The following KCTD1 variants were observed in gnomAD, a reference collection of about 807,000 sequenced individuals.
KCTD1 encodes the protein BTB/POZ domain-containing protein KCTD1.
A neutral mutation model predicts 66.0 loss-of-function variants in KCTD1; 24 were observed. The observed-to-expected ratio is 0.36, with a 90% CI of 0.26 to 0.51. The LOEUF is 0.51. KCTD1 is among the 20% of genes least tolerant of loss of function. KCTD1 has a pLI of 0.95. For synonymous variants in KCTD1, 511 were observed against 517.2 expected (o/e 0.99, Z 0.16); for missense variants, 943 against 1,205.2 (o/e 0.78, Z 3.22).
chr18:26,578,660 T>A (rs183520108), intron 1 of KCTD1, among the ~76,000 whole-genome samples: 1 of 152,328 alleles, frequency 6.6e-6, no homozygotes, highest in African/African-American at 2.4e-5. Context: ...GTTTTACACA[T>A]TTCTTCCCTA....
At chr18:26,651,556 G>T (rs1423928668) in intron 1 of KCTD1, among the ~76,000 whole-genome samples, 1 of 152,038 alleles carries the variant, frequency 6.6e-6, no homozygotes, top group Non-Finnish European at 1.5e-5. Flanking sequence ...GGCCGAGGTG[G>T]GCGGATCACT....
intron 1 of KCTD1, among the ~76,000 whole-genome samples, chr18:26,530,252 T>C (rs1371105024): frequency 2.6e-5 from 4 of 152,226 alleles, no homozygotes. Context: ...CCCTACACTT[T>C]GAATAAATAT....
At chr18:26,578,515 A>T (rs1343143400) in intron 1 of KCTD1, among the ~76,000 whole-genome samples, 1 of 152,174 alleles carries the variant, frequency 6.6e-6, no homozygotes, top group Non-Finnish European at 1.5e-5. Flanking sequence ...TTTTTTTAAT[A>T]AAATTGTACC....
rs558676583 is a variant in KCTD1 at position 26,625,631 on chromosome 18, G to A, written c.-16+3516C>T. ...TCCTTTATAAATTATTCAGTCTTTG[G>A]CAGTTCTTTATAGCAGTGTAAGAAT... is the stretch of plus-strand genomic sequence containing the variant. On this transcript the variant is annotated intron_variant, in intron 1 of 4. Coordinates refer to the KCTD1 transcript ENST00000317932. 2.2e-4 allele frequency among the ~76,000 whole-genome samples: 33 copies of A among 152,222 alleles called. No individual in the cohort carries two copies. The South Asian group carries it at 6.2e-3, about 29-fold the overall frequency.
rs138786184 is a variant in KCTD1, at chr18:26,577,994, G to T, written c.-16+51153C>A. 4.0e-5 allele frequency among the ~76,000 whole-genome samples: 6 copies of T among 151,320 alleles called. No homozygotes were observed. In the East Asian group the frequency reaches 1.2e-3, roughly 29 times the overall value. The stretch of plus-strand genomic sequence containing the variant: ...AGATGATTATTTCTGGGCCATCACT[G>T]TAACTCACTGTAGTATTTTTCTATT... On this transcript the variant is annotated intron_variant, in intron 1 of 4. Coordinates refer to the KCTD1 transcript ENST00000317932.
upstream of KCTD1, chr18:26,548,642 C>G: frequency 8.9e-7 from 1 of 1,125,006 alleles, no homozygotes; most frequent in Non-Finnish European, 1.1e-6. Context: ...GAGGCAAAGC[C>G]GGGCTCTTAA....
At chr18:26,641,269 C>T (rs1210122643), upstream of KCTD1, among the ~76,000 whole-genome samples, 1 of 152,164 alleles carries the variant, frequency 6.6e-6, no homozygotes, top group Non-Finnish European at 1.5e-5. Context: ...AGAGCCTTTG[C>T]CTCCCTTGTA....
intron 1 of KCTD1, among the ~76,000 whole-genome samples, chr18:26,534,154 T>C (rs889471872): frequency 6.6e-6 from 1 of 152,154 alleles, no homozygotes; most frequent in African/African-American, 2.4e-5. Flanking sequence ...TCAATTTTTT[T>C]ATTTACAGTC....
At chr18:26,648,896 T>G (rs1036568599) in intron 1 of KCTD1, among the ~76,000 whole-genome samples, 1 of 152,218 alleles carries the variant, frequency 6.6e-6, no homozygotes, top group African/African-American at 2.4e-5. Context: ...AGGTGATGGA[T>G]GAGGATTACA....
intron 1 of KCTD1, among the ~76,000 whole-genome samples, chr18:26,504,648 C>T (rs1047222999): frequency 2.6e-5 from 4 of 152,104 alleles, no homozygotes; most frequent in African/African-American, 9.7e-5. Context: ...ACTGGGATTA[C>T]AGGTGTGAGC....
Position 26,568,605 on chromosome 18 carries a change from C to T in KCTD1, c.-16+60542G>A, listed in dbSNP as rs370104236. Among the ~76,000 whole-genome samples the T allele has an allele frequency of 4.0e-4, 61 of 152,110 alleles. 2 individuals carry two copies. The South Asian group carries it at 6.7e-3, about 17-fold the overall frequency. ...AAAAAAATGAGGTAGGTTGTGTAGA[C>T]AGTCATTTATATAATCATTGCATCT... On this transcript the variant is annotated intron_variant, in intron 1 of 4. Transcript: ENST00000317932.
intron 1 of KCTD1, among the ~76,000 whole-genome samples, chr18:26,506,386 G>C (rs553479186): frequency 2.6e-5 from 4 of 152,264 alleles, no homozygotes; most frequent in Admixed American, 2.0e-4. Context: ...CCAGGGTTGG[G>C]GGCTGGGAAG....
intron 1 of KCTD1, among the ~76,000 whole-genome samples, chr18:26,554,125 G>C (rs953116163): frequency 7.6e-6 from 1 of 131,382 alleles, no homozygotes; most frequent in Non-Finnish European, 1.7e-5. Context: ...AGAAAGAAAA[G>C]AGAAAGAAAG....
At chr18:26,653,172 CT>C (rs1333900332) in intron 1 of KCTD1, among the ~76,000 whole-genome samples, 1 of 152,212 alleles carries the variant, frequency 6.6e-6, no homozygotes, top group African/African-American at 2.4e-5. Flanking sequence ...ACTGCTGCCC[CT>C]CTCCCAATCC....
At chr18:26,643,910 T>G (rs571235405), upstream of KCTD1, among the ~76,000 whole-genome samples, 108 of 151,684 alleles carry the variant, frequency 7.1e-4, no homozygotes, top group Non-Finnish European at 1.1e-3. Context: ...TGCAGTGAGC[T>G]GAGATAGCAC....
chr18:26,482,539 C>A (rs1042767584), intron 2 of KCTD1, among the ~76,000 whole-genome samples: 1 of 152,154 alleles, frequency 6.6e-6, no homozygotes, highest in African/African-American at 2.4e-5. Flanking sequence ...AAAACTCTTA[C>A]GGGATTTGTC....
At chr18:26,583,411 A>G (rs1388685151) in intron 1 of KCTD1, among the ~76,000 whole-genome samples, 68 of 151,346 alleles carry the variant, frequency 4.5e-4, no homozygotes, top group Admixed American at 1.1e-3. Flanking sequence ...AAAAAAAAAA[A>G]AAAAAAGAAA....
intron 1 of KCTD1, among the ~76,000 whole-genome samples, chr18:26,574,530 T>G (rs544956431): frequency 9.2e-5 from 14 of 152,356 alleles, no homozygotes; most frequent in Non-Finnish European, 2.9e-5. Context: ...GCTTTGAGCA[T>G]GGAAGGCACT....
chr18:26,600,850 C>A (rs1173580319), intron 1 of KCTD1, among the ~76,000 whole-genome samples: 1 of 152,006 alleles, frequency 6.6e-6, no homozygotes, highest in Non-Finnish European at 1.5e-5. Context: ...GTGATGATAC[C>A]CAGTGTCCCT....
Sources: gnomAD v4.1 joint callset for allele counts (sites outside exome capture counted in the v4.1 genomes callset) on GRCh38, gnomAD v4.1.1 for gene constraint, MANE v1.5 for transcripts, NCBI Gene and HGNC (gene_info 2026-07-23, HGNC 2026-07-21) for gene names.